Variants in BAIAP2 observed in about 807,000 individuals in gnomAD.
BAIAP2 encodes the protein BAR/IMD domain containing adaptor protein 2.
Under a neutral mutation model 63.0 loss-of-function variants are expected in BAIAP2, and 18 were observed. The ratio of observed to expected loss-of-function variants is 0.29; its 90% CI spans 0.20 to 0.42. The LOEUF is 0.42. Among genes scored for constraint, BAIAP2 ranks in the 10% least tolerant of loss-of-function variants. The probability of loss-of-function intolerance (pLI) is 1.00; values close to 1 mark genes in which losing one functional copy is unlikely to be tolerated. For missense variants in BAIAP2, 610 were observed against 734.3 expected (o/e 0.83, Z 1.96); for synonymous variants, 386 against 307.6 (o/e 1.25, Z -2.67).
chr17:81,113,418 C>T (rs1382669244), intron 13 of BAIAP2, among the ~76,000 whole-genome samples: 1 of 152,246 alleles, frequency 6.6e-6, no homozygotes, highest in Non-Finnish European at 1.5e-5. Flanking sequence ...TGGCCTTGGG[C>T]TGCAGACTTT....
intron 1 of BAIAP2, among the ~76,000 whole-genome samples, chr17:81,038,688 G>T (rs1239437496): frequency 6.6e-6 from 1 of 152,224 alleles, no homozygotes; most frequent in Admixed American, 6.5e-5. Flanking sequence ...CCAGGTGGTG[G>T]GCGTCATGTG....
intron 2 of BAIAP2, among the ~76,000 whole-genome samples, chr17:81,054,711 C>T (rs1241907870): frequency 6.6e-6 from 1 of 152,182 alleles, no homozygotes. Flanking sequence ...GTGTGGGGGA[C>T]TGGTGGCTGC....
intron 13 of BAIAP2, among the ~76,000 whole-genome samples, chr17:81,112,156 A>AC (rs200155219): frequency 0.012 from 1,814 of 150,750 alleles, 30 homozygotes; most frequent in African/African-American, 0.042. Flanking sequence ...AGGCCTCCAG[A>AC]CCCCCCCACT....
chr17:81,049,631 C>T (rs900737005), intron 1 of BAIAP2, among the ~76,000 whole-genome samples: 55 of 152,350 alleles, frequency 3.6e-4, no homozygotes, highest in African/African-American at 1.3e-3. Context: ...TACACTCGCT[C>T]AGTGACTCGG....
At chr17:81,102,680 G>A (rs1022274924) in intron 7 of BAIAP2, among the ~76,000 whole-genome samples, 12 of 152,154 alleles carry the variant, frequency 7.9e-5, no homozygotes, top group African/African-American at 1.4e-4. Flanking sequence ...AACATCCTCC[G>A]TGGGTCCCCA....
intron 6 of BAIAP2, chr17:81,098,248 C>T: frequency 4.0e-6 from 5 of 1,255,012 alleles, no homozygotes; most frequent in Non-Finnish European, 1.0e-6. Context: ...GGCGCCTCTG[C>T]CCAGGATGGG....
intron 6 of BAIAP2, among the ~76,000 whole-genome samples, chr17:81,090,813 C>G (rs1409875515): frequency 1.3e-5 from 2 of 152,164 alleles, no homozygotes; most frequent in Non-Finnish European, 2.9e-5. Context: ...TGCTGCCGGC[C>G]TCGCTGCTCC....
At chr17:81,083,060 G>A (rs2054908594) in intron 3 of BAIAP2, 1 of 152,410 alleles carries the variant, frequency 6.6e-6, no homozygotes, top group Non-Finnish European at 1.5e-5. Context: ...GACCCGGAGA[G>A]GCTTCCTCTG....
chr17:81,107,104 A>G, intron 12 of BAIAP2, 197 bp downstream of exon 12: 1 of 647,334 alleles, frequency 1.5e-6, no homozygotes, highest in Non-Finnish European at 2.5e-6. Flanking sequence ...GCCTCGCCGC[A>G]GCAGGCTCCC....
chr17:81,073,658 C>T (rs2053108676), intron 3 of BAIAP2, among the ~76,000 whole-genome samples: 2 of 152,212 alleles, frequency 1.3e-5, no homozygotes, highest in South Asian at 2.1e-4. Context: ...AGGCTCTTCC[C>T]TCCCCCAGTC....
rs2056009543 is a variant in BAIAP2, at chr17:81,088,017, T to C, written c.489+1437T>C. Among the ~76,000 whole-genome samples, 3 of 151,968 alleles carry C rather than the reference T, an allele frequency of 2.0e-5. No homozygotes were observed. In the South Asian group the frequency reaches 6.2e-4, roughly 32 times the overall value. The stretch of plus-strand genomic sequence containing the variant: ...GTGAACAGAACCTGAGCAGTGGGCA[T>C]GGGGAGTTGAGGAGGAGAAATAGGT... On this transcript the variant is annotated intron_variant, in intron 6 of 13. Coordinates refer to ENST00000428708, the MANE Select transcript of BAIAP2 (RefSeq NM_001144888.2).
At position 81,111,157 on chromosome 17, in the gene BAIAP2, C is replaced by T. The variant is rs372388706; in HGVS notation, c.1535+2648C>T. ...CCTTGGGTTCATGGTATCTTTCTCCCCTCCCGGAAGCTTGTGGGCTCTGGC... is the reference window on the plus strand; with the variant it reads ...CCTTGGGTTCATGGTATCTTTCTCCTCTCCCGGAAGCTTGTGGGCTCTGGC... On this transcript the variant is annotated intron_variant, in intron 13 of 13. Transcript: ENST00000428708. Among the ~76,000 whole-genome samples, 63 of 152,320 alleles carry T rather than the reference C, an allele frequency of 4.1e-4. No individual in the cohort carries two copies. The East Asian group carries it at 6.2e-3, about 15-fold the overall frequency.
chr17:81,037,564 C>G (rs1009930466), intron 1 of BAIAP2, among the ~76,000 whole-genome samples: 1 of 152,224 alleles, frequency 6.6e-6, no homozygotes, highest in Non-Finnish European at 1.5e-5. Flanking sequence ...CTGAGGCCAC[C>G]GGTGTGCACT....
At chr17:81,085,149 T>C (rs1023415374) in intron 4 of BAIAP2, 20 of 565,590 alleles carry the variant, frequency 3.5e-5, no homozygotes, top group African/African-American at 3.4e-4. Flanking sequence ...GGGAGAGTCC[T>C]GATCGCAGCC....
intron 13 of BAIAP2, chr17:81,110,660 C>A: frequency 7.5e-7 from 1 of 1,330,088 alleles, no homozygotes; most frequent in Non-Finnish European, 9.9e-7. Context: ...GCCCCAGTGA[C>A]AGTCGCTCAC....
At chr17:81,049,155 G>C (rs1016645341) in intron 1 of BAIAP2, among the ~76,000 whole-genome samples, 1 of 152,260 alleles carries the variant, frequency 6.6e-6, no homozygotes, top group Admixed American at 6.5e-5. Context: ...GCCGGGCTGC[G>C]TTTGTACTGC....
chr17:81,108,445 G>A (rs138099755), intron 12 of BAIAP2, 30 bp from the exon 13 acceptor site: 24,564 of 1,613,316 alleles, frequency 0.015, 284 homozygotes, highest in South Asian at 0.041. Context: ...CCCGTCACCC[G>A]GCCTGACATG....
At chr17:81,074,330 A>G (rs924363921) in intron 3 of BAIAP2, among the ~76,000 whole-genome samples, 3 of 151,708 alleles carry the variant, frequency 2.0e-5, no homozygotes, top group South Asian at 2.1e-4. Context: ...GCATGCACGG[A>G]TACGTGTGAG....
At chr17:81,102,369 C>T (rs1240454046) in intron 7 of BAIAP2, among the ~76,000 whole-genome samples, 3 of 152,126 alleles carry the variant, frequency 2.0e-5, no homozygotes, top group East Asian at 1.9e-4. Flanking sequence ...GGCCTCTCCG[C>T]GCCACCCAAG....
Sources: gnomAD v4.1 joint callset for allele counts (sites outside exome capture counted in the v4.1 genomes callset) on GRCh38, gnomAD v4.1.1 for gene constraint, MANE v1.5 for transcripts, NCBI Gene and HGNC (gene_info 2026-07-23, HGNC 2026-07-21) for gene names.